Variants in MAGI2 observed in about 807,000 individuals in gnomAD.
MAGI2 encodes membrane-associated guanylate kinase, WW and PDZ domain-containing protein 2.
MAGI2 carries 35 observed loss-of-function variants against 133.3 expected under a neutral mutation model. The ratio of observed to expected loss-of-function variants is 0.26; its 90% CI spans 0.20 to 0.35. The LOEUF is 0.35. Among genes scored for constraint, MAGI2 ranks in the 10% least tolerant of loss-of-function variants. The probability of loss-of-function intolerance (pLI) is 1.00; values close to 1 mark genes in which losing one functional copy is unlikely to be tolerated. For synonymous variants in MAGI2, 729 were observed against 710.6 expected (o/e 1.03, Z -0.41); for missense variants, 1,636 against 1,863.4 (o/e 0.88, Z 2.25).
chr7:78,043,939 C>A (rs1294161670), intron 21 of MAGI2, among the ~76,000 whole-genome samples: 1 of 152,126 alleles, frequency 6.6e-6, no homozygotes, highest in African/African-American at 2.4e-5. Context: ...AGAATAGTGA[C>A]AATTAATGGA....
chr7:78,807,053 GTATAACACA>G (rs1293568445), intron 2 of MAGI2, among the ~76,000 whole-genome samples: 5 of 151,962 alleles, frequency 3.3e-5, no homozygotes, highest in African/African-American at 1.2e-4. Flanking sequence ...TTCATATTTG[GTATAACACA>G]TATTTGGTAC....
intron 6 of MAGI2, among the ~76,000 whole-genome samples, chr7:78,444,384 A>G (rs1787923019): frequency 6.6e-6 from 1 of 152,080 alleles, no homozygotes; most frequent in South Asian, 2.1e-4. Context: ...CTCACAATTC[A>G]TTAATGGGCT....
chr7:78,932,833 T>C (rs867583195), intron 2 of MAGI2, among the ~76,000 whole-genome samples: 16 of 152,108 alleles, frequency 1.1e-4, no homozygotes, highest in African/African-American at 3.9e-4. Context: ...AACTAGACTA[T>C]AATGCTGATG....
At chr7:78,520,426 A>C (rs1212988305) in intron 4 of MAGI2, among the ~76,000 whole-genome samples, 1 of 152,204 alleles carries the variant, frequency 6.6e-6, no homozygotes, top group Non-Finnish European at 1.5e-5. Flanking sequence ...GTAGAGAAAC[A>C]GCACAATAAA....
intron 6 of MAGI2, chr7:78,485,097 G>C (rs556809866): frequency 6.6e-6 from 1 of 152,130 alleles, no homozygotes; most frequent in African/African-American, 2.4e-5. Context: ...GGTTGTGATT[G>C]AAAATATCTC....
At chr7:79,184,508 T>C (rs971122473) in intron 1 of MAGI2, among the ~76,000 whole-genome samples, 1 of 151,648 alleles carries the variant, frequency 6.6e-6, no homozygotes, top group African/African-American at 2.4e-5. Context: ...ACTAAAATAT[T>C]GGATTCAATT....
rs560973266 is a variant in MAGI2 at position 78,303,748 on chromosome 7, A to C, written c.1408+40030T>G. ...ATGCAAATGTTAGGGGTTTATTCTA[A>C]TTAACACTAATTCCCTTGGTGATCT... On this transcript the variant is annotated intron_variant, in intron 9 of 21. Transcript: ENST00000354212. 1.4e-3 allele frequency among the ~76,000 whole-genome samples: 215 copies of C among 152,206 alleles called. 1 individual carries two copies. Among genetic ancestry groups the C allele is most frequent in the Non-Finnish European group, 2.5e-3 (168 of 68,000 alleles).
chr7:78,335,503 A>T (rs937539562), intron 9 of MAGI2, among the ~76,000 whole-genome samples: 1 of 152,228 alleles, frequency 6.6e-6, no homozygotes, highest in African/African-American at 2.4e-5. Flanking sequence ...TCACTCTTAA[A>T]TATGGAAATC....
chr7:78,153,116 G>T (rs1824050956), intron 16 of MAGI2, among the ~76,000 whole-genome samples: 1 of 152,182 alleles, frequency 6.6e-6, no homozygotes, highest in South Asian at 2.1e-4. Flanking sequence ...CATAGAGAAG[G>T]CTAAGGCACT....
At chr7:78,579,360 C>T (rs1049503678) in intron 3 of MAGI2, among the ~76,000 whole-genome samples, 1 of 152,090 alleles carries the variant, frequency 6.6e-6, no homozygotes, top group African/African-American at 2.4e-5. Flanking sequence ...TATACCTCCC[C>T]AAAATATGAA....
chr7:79,255,709 G>A (rs1025145464), intron 1 of MAGI2, among the ~76,000 whole-genome samples: 1 of 152,022 alleles, frequency 6.6e-6, no homozygotes, highest in Non-Finnish European at 1.5e-5. Flanking sequence ...ACTGCCTGGG[G>A]TGGTTTCATA....
At chr7:78,685,824 T>G (rs1052349454) in intron 2 of MAGI2, among the ~76,000 whole-genome samples, 12 of 152,106 alleles carry the variant, frequency 7.9e-5, no homozygotes, top group African/African-American at 2.9e-4. Flanking sequence ...GCAAATGTCA[T>G]GATCATCATT....
At chr7:78,608,619 G>A (rs1461576528) in intron 3 of MAGI2, among the ~76,000 whole-genome samples, 1 of 151,960 alleles carries the variant, frequency 6.6e-6, no homozygotes, top group African/African-American at 2.4e-5. Context: ...CCTAGTAACT[G>A]ACTTGAGAGT....
chr7:78,038,175 C>T (rs990466386), intron 21 of MAGI2, among the ~76,000 whole-genome samples: 15 of 152,138 alleles, frequency 9.9e-5, no homozygotes, highest in African/African-American at 3.6e-4. Context: ...CTGTCTTGTT[C>T]ACTGTTGCAA....
chr7:78,705,400 T>C (rs1197889104), intron 2 of MAGI2, among the ~76,000 whole-genome samples: 1 of 152,178 alleles, frequency 6.6e-6, no homozygotes, highest in Non-Finnish European at 1.5e-5. Flanking sequence ...GTGAGTCAAG[T>C]AAACCTCTTT....
At chr7:79,342,145 T>C (rs995732180) in intron 1 of MAGI2, among the ~76,000 whole-genome samples, 2 of 152,210 alleles carry the variant, frequency 1.3e-5, no homozygotes, top group African/African-American at 4.8e-5. Context: ...AAACTCACTT[T>C]AAAATGATAC....
At position 78,156,954 on chromosome 7, in the gene MAGI2, A is replaced by T. The variant is rs189524159; in HGVS notation, c.2845+3071T>A. On this transcript the variant is annotated intron_variant, in intron 16 of 21. Coordinates refer to ENST00000354212, the MANE Select transcript of MAGI2 (RefSeq NM_012301.4). ...AACTCTGGGAATGATCGTGATTCTTAAGTACCTGATAGCATAAACCTCGGT... is the reference window on the plus strand; with the variant it reads ...AACTCTGGGAATGATCGTGATTCTTTAGTACCTGATAGCATAAACCTCGGT... Among the ~76,000 whole-genome samples, 32 of 152,320 alleles carry T rather than the reference A, an allele frequency of 2.1e-4. No homozygotes were observed. In the East Asian group the frequency reaches 4.0e-3, roughly 19 times the overall value.
intron 3 of MAGI2, among the ~76,000 whole-genome samples, chr7:78,522,755 G>T (rs1584489075): frequency 6.6e-6 from 1 of 152,144 alleles, no homozygotes; most frequent in African/African-American, 2.4e-5. Flanking sequence ...AAGAACGTAG[G>T]TCATATTTTT....
chr7:79,363,147 A>G (rs1842466539), intron 1 of MAGI2, among the ~76,000 whole-genome samples: 1 of 151,622 alleles, frequency 6.6e-6, no homozygotes, highest in Non-Finnish European at 1.5e-5. Context: ...ATTTCTACAT[A>G]CGAACAATAA....
Sources: allele counts gnomAD v4.1 joint callset (sites outside exome capture counted in the v4.1 genomes callset), GRCh38; gene constraint gnomAD v4.1.1; transcripts MANE v1.5; gene names NCBI Gene and HGNC (gene_info 2026-07-23, HGNC 2026-07-21).